The following SUPT3H variants were observed in gnomAD, a reference collection of about 807,000 sequenced individuals.
The protein encoded by SUPT3H is transcription initiation protein SPT3 homolog.
A neutral mutation model predicts 44.3 loss-of-function variants in SUPT3H; 44 were observed. The ratio of observed to expected loss-of-function variants is 0.99; its 90% CI spans 0.78 to 1.28. The LOEUF is 1.28. Among genes scored for constraint, SUPT3H ranks in the 50% most tolerant of loss-of-function variants. SUPT3H has a pLI of 0.00. For synonymous variants in SUPT3H, 124 were observed against 125.6 expected (o/e 0.99, Z 0.09); for missense variants, 380 against 387.1 (o/e 0.98, Z 0.15).
At chr6:45,334,803 T>C (rs1788237801) in intron 2 of SUPT3H, among the ~76,000 whole-genome samples, 1 of 151,174 alleles carries the variant, frequency 6.6e-6, no homozygotes, top group South Asian at 2.1e-4. Flanking sequence ...TATAGTTCTG[T>C]CATGAAATAT....
At chr6:45,294,063 T>C (rs1056637592) in intron 2 of SUPT3H, among the ~76,000 whole-genome samples, 4 of 152,308 alleles carry the variant, frequency 2.6e-5, no homozygotes, top group Non-Finnish European at 4.4e-5. Context: ...ATAACCCTGA[T>C]GAACACAGAT....
At chr6:45,154,516 C>T (rs1354545815) in intron 2 of SUPT3H, among the ~76,000 whole-genome samples, 1 of 152,114 alleles carries the variant, frequency 6.6e-6, no homozygotes, top group African/African-American at 2.4e-5. Context: ...CTCACATAGA[C>T]TTTTCATCTA....
At chr6:45,342,928 G>C (rs1356538975) in intron 2 of SUPT3H, among the ~76,000 whole-genome samples, 1 of 152,110 alleles carries the variant, frequency 6.6e-6, no homozygotes, top group East Asian at 1.9e-4. Context: ...GACAGCAGGG[G>C]TTTTGGTGTT....
At chr6:44,821,151 C>T (rs913464746) in intron 11 of SUPT3H, among the ~76,000 whole-genome samples, 1 of 152,128 alleles carries the variant, frequency 6.6e-6, no homozygotes, top group Non-Finnish European at 1.5e-5. Flanking sequence ...GTGGCCCGGT[C>T]TGAGAAAGTA....
At chr6:45,133,473 TG>T (rs1438849323) in intron 2 of SUPT3H, among the ~76,000 whole-genome samples, 1 of 152,130 alleles carries the variant, frequency 6.6e-6, no homozygotes, top group Non-Finnish European at 1.5e-5. Context: ...TTAGTTAAAA[TG>T]CTAAGATTGA....
chr6:44,884,444 G>A (rs1281736892), intron 10 of SUPT3H, among the ~76,000 whole-genome samples: 3 of 152,170 alleles, frequency 2.0e-5, no homozygotes, highest in Admixed American at 2.0e-4. Context: ...AAGACAGTGT[G>A]GCGATTCCTC....
chr6:44,976,361 T>C (rs185185056), intron 6 of SUPT3H, among the ~76,000 whole-genome samples: 2 of 149,020 alleles, frequency 1.3e-5, no homozygotes, highest in Non-Finnish European at 3.0e-5. Context: ...GGAAAATTAA[T>C]GTCTTTTTTT....
rs116081798 is a variant in SUPT3H at position 45,040,957 on chromosome 6, A to G, written c.187-20325T>C. 6.3e-3 allele frequency among the ~76,000 whole-genome samples: 959 copies of G among 152,262 alleles called. 15 individuals carry two copies. Among genetic ancestry groups the G allele is most frequent in the African/African-American group, 0.02 (837 of 41,544 alleles). On this transcript the variant is annotated intron_variant, in intron 3 of 10. Coordinates refer to ENST00000371459, the MANE Select transcript of SUPT3H (RefSeq NM_003599.4). ...TCCATTTCAAAATCTTAGCAAACAA[A>G]TCTCACCAGAGAACTGGTGGCTACT...
chr6:45,273,142 A>C (rs1425696484), intron 2 of SUPT3H, among the ~76,000 whole-genome samples: 1 of 152,218 alleles, frequency 6.6e-6, no homozygotes, highest in African/African-American at 2.4e-5. Context: ...TTAATTTTTC[A>C]GTCAGAATTG....
chr6:45,076,800 T>C (rs1795060267), intron 3 of SUPT3H, among the ~76,000 whole-genome samples: 1 of 152,192 alleles, frequency 6.6e-6, no homozygotes, highest in South Asian at 2.1e-4. Context: ...CCTGGCAGTC[T>C]AGATGCCCAG....
chr6:45,157,397 G>A (rs980754499), intron 2 of SUPT3H, among the ~76,000 whole-genome samples: 3 of 151,594 alleles, frequency 2.0e-5, no homozygotes, highest in African/African-American at 7.3e-5. Context: ...TCTCAACTTG[G>A]CTGCACATTA....
At chr6:44,886,007 A>G (rs1762216415) in intron 10 of SUPT3H, among the ~76,000 whole-genome samples, 1 of 152,226 alleles carries the variant, frequency 6.6e-6, no homozygotes, top group African/African-American at 2.4e-5. Flanking sequence ...ACTGGAAGAA[A>G]GGGTATCAGT....
intron 3 of SUPT3H, among the ~76,000 whole-genome samples, chr6:45,057,928 GAACT>G (rs1169575008): frequency 2.6e-5 from 4 of 152,062 alleles, no homozygotes; most frequent in African/African-American, 9.7e-5. Context: ...GTTCCAGAGA[GAACT>G]AACATATCAA....
At chr6:45,043,134 T>TACACACACACAC (rs773611251) in intron 3 of SUPT3H, among the ~76,000 whole-genome samples, 11 of 50,486 alleles carry the variant, frequency 2.2e-4, no homozygotes, top group African/African-American at 5.4e-4. Flanking sequence ...GTATCTTACA[T>TACACACACACAC]ACACACATAC....
chr6:44,925,711 G>A (rs951288391), intron 10 of SUPT3H, among the ~76,000 whole-genome samples: 1 of 152,094 alleles, frequency 6.6e-6, no homozygotes, highest in African/African-American at 2.4e-5. Context: ...TGTGACATAA[G>A]AGAACACTAG....
intron 2 of SUPT3H, among the ~76,000 whole-genome samples, chr6:45,224,441 T>C (rs1562731605): frequency 6.6e-6 from 1 of 152,152 alleles, no homozygotes; most frequent in Non-Finnish European, 1.5e-5. Context: ...CTTCACAGTG[T>C]ACAGCATTTT....
chr6:44,954,721 T>G (rs1264347016), intron 7 of SUPT3H, 114 bp from the exon 8 acceptor site: 1 of 658,630 alleles, frequency 1.5e-6, no homozygotes, highest in Non-Finnish European at 2.6e-6. Flanking sequence ...CAAAAAATAA[T>G]GCACATAAAA....
intron 2 of SUPT3H, among the ~76,000 whole-genome samples, chr6:45,236,125 T>G (rs1245933789): frequency 1.9e-5 from 1 of 52,100 alleles, no homozygotes; most frequent in Non-Finnish European, 4.1e-5. Context: ...CTCTCAGTTC[T>G]GAAGGCTGTG....
rs141715472 is a variant in SUPT3H, at chr6:45,027,456, T to C, written c.187-6824A>G. Reference sequence around the variant, plus strand: ...CCTTGTACATTAATTTTAACATCTGTGTCATCTTGGAATCAGTCTCCATTG... The same window carrying C: ...CCTTGTACATTAATTTTAACATCTGCGTCATCTTGGAATCAGTCTCCATTG... On this transcript the variant is annotated intron_variant, in intron 3 of 10. Transcript: ENST00000371459. Among the ~76,000 whole-genome samples the C allele has an allele frequency of 4.3e-3, 651 of 152,326 alleles. 7 individuals carry two copies. The highest frequency in any genetic ancestry group is 0.014 in the African/African-American group (601 of 41,570).
Sources: allele counts gnomAD v4.1 joint callset (sites outside exome capture counted in the v4.1 genomes callset), GRCh38; gene constraint gnomAD v4.1.1; transcripts MANE v1.5; gene names NCBI Gene and HGNC (gene_info 2026-07-23, HGNC 2026-07-21).